The following GPC3 variants were observed in gnomAD, a reference collection of about 807,000 sequenced individuals.
The protein encoded by GPC3 is glypican 3, also known as glypican-3.
GPC3 carries 3 observed loss-of-function variants against 34.4 expected under a neutral mutation model. The observed-to-expected ratio is 0.09, with a 90% CI of 0.04 to 0.23. The LOEUF is 0.23. Among genes scored for constraint, GPC3 ranks in the 10% least tolerant of loss-of-function variants. The pLI is 1.00. For missense variants in GPC3, 351 were observed against 445.6 expected, an observed-to-expected ratio of 0.79 and a Z score of 1.91; for synonymous variants, 177 against 174.0, an observed-to-expected ratio of 1.02 and a Z score of -0.13.
chrX:133,722,465 C>T (rs752982101), intron 3 of GPC3, among the ~76,000 whole-genome samples: 5 of 111,988 alleles, frequency 4.5e-5, no homozygotes, highest in African/African-American at 1.6e-4. Flanking sequence ...TTCTCACTGT[C>T]ATTCAATTAT....
At chrX:133,860,707 G>A (rs1408663878) in intron 2 of GPC3, among the ~76,000 whole-genome samples, 1 of 111,846 alleles carries the variant, frequency 8.9e-6, no homozygotes, top group African/African-American at 3.3e-5. Context: ...CAGTAGATCT[G>A]TTGTTAATTA....
intron 7 of GPC3, among the ~76,000 whole-genome samples, chrX:133,565,413 TCTC>T (rs2069573710): frequency 8.9e-6 from 1 of 112,341 alleles, no homozygotes. Flanking sequence ...TGTCTTCCTT[TCTC>T]CTACAGAGCA....
At position 133,898,342 on chromosome X, in the gene GPC3, A is replaced by G. The variant is rs150691549; in HGVS notation, c.337+54708T>C. The stretch of plus-strand genomic sequence containing the variant: ...CAGAGTAAGTCATCTCTGAATAAGC[A>G]ATATTAGATCTTATCAACCCCAAAT... On this transcript the variant is annotated intron_variant, in intron 2 of 7. Coordinates refer to ENST00000370818, the MANE Select transcript of GPC3 (RefSeq NM_004484.4). 4.4e-3 allele frequency among the ~76,000 whole-genome samples: 498 copies of G among 111,957 alleles called. 1 individual carries two copies. The highest frequency in any genetic ancestry group is 0.015 in the African/African-American group (474 of 30,847).
intron 6 of GPC3, among the ~76,000 whole-genome samples, chrX:133,629,426 C>T (rs921437700): frequency 7.2e-5 from 8 of 110,985 alleles, no homozygotes; most frequent in African/African-American, 1.6e-4. Context: ...GACAAAGTCT[C>T]GCTTTGTTGC....
intron 7 of GPC3, among the ~76,000 whole-genome samples, chrX:133,540,906 C>G: frequency 1.0e-5 from 1 of 95,678 alleles, no homozygotes; most frequent in Non-Finnish European, 2.1e-5. Flanking sequence ...ACAGAATGGA[C>G]ATTGTTGTGG....
chrX:133,814,623 A>G (rs893613394), intron 2 of GPC3, among the ~76,000 whole-genome samples: 1 of 110,765 alleles, frequency 9.0e-6, no homozygotes, highest in Non-Finnish European at 1.9e-5. Flanking sequence ...GCTGGAGTGC[A>G]ATGGCGTGAT....
intron 3 of GPC3, among the ~76,000 whole-genome samples, chrX:133,745,176 T>C (rs1395111242): frequency 8.9e-6 from 1 of 112,206 alleles, no homozygotes; most frequent in East Asian, 2.8e-4. Flanking sequence ...AAAGGCATTG[T>C]TGGCTCCCTC....
intron 2 of GPC3, among the ~76,000 whole-genome samples, chrX:133,904,919 C>T (rs1014201784): frequency 2.7e-5 from 3 of 112,087 alleles, no homozygotes; most frequent in Non-Finnish European, 5.6e-5. Context: ...CATCTAAGTG[C>T]AAACGGCTTC....
At chrX:133,896,330 C>T (rs1409725924) in intron 2 of GPC3, among the ~76,000 whole-genome samples, 1 of 103,814 alleles carries the variant, frequency 9.6e-6, no homozygotes, top group African/African-American at 3.6e-5. Context: ...CATTGCACTC[C>T]AGCCTAGGCA....
At chrX:133,736,672 T>C (rs1795636659) in intron 3 of GPC3, among the ~76,000 whole-genome samples, 1 of 111,939 alleles carries the variant, frequency 8.9e-6, no homozygotes, top group South Asian at 3.7e-4. Flanking sequence ...AACAGACTAA[T>C]CTATAGAGAC....
chrX:133,681,492 C>CA (rs933857532), intron 5 of GPC3, among the ~76,000 whole-genome samples: 1 of 111,599 alleles, frequency 9.0e-6, no homozygotes, highest in African/African-American at 3.3e-5. Flanking sequence ...GAAGAAAGAG[C>CA]AAAAAAATAG....
At chrX:133,903,080 G>A (rs979889774) in intron 2 of GPC3, among the ~76,000 whole-genome samples, 6 of 108,827 alleles carry the variant, frequency 5.5e-5, no homozygotes, top group Admixed American at 9.8e-5. Context: ...GAACCTGGGA[G>A]ACAGAGATTG....
At chrX:133,939,272 A>G (rs2076334942) in intron 2 of GPC3, among the ~76,000 whole-genome samples, 1 of 112,463 alleles carries the variant, frequency 8.9e-6, no homozygotes, top group Admixed American at 9.4e-5. Flanking sequence ...GAGATGATTG[A>G]AAATACAATT....
At chrX:133,961,135 C>A (rs776773253) in intron 1 of GPC3, among the ~76,000 whole-genome samples, 1 of 111,371 alleles carries the variant, frequency 9.0e-6, no homozygotes, top group Non-Finnish European at 1.9e-5. Context: ...TGATTGCTGG[C>A]GAAAGAAATC....
chrX:133,775,227 T>C (rs899383049), intron 2 of GPC3, among the ~76,000 whole-genome samples: 1 of 102,207 alleles, frequency 9.8e-6, no homozygotes, highest in Non-Finnish European at 2.0e-5. Context: ...TGCCAGCGTG[T>C]TTTTTTTTTT....
intron 2 of GPC3, among the ~76,000 whole-genome samples, chrX:133,927,214 G>GT (rs928343062): frequency 3.0e-3 from 319 of 107,404 alleles, no homozygotes; most frequent in African/African-American, 9.3e-3. Context: ...TTATGCAGCT[G>GT]TTTTTTTTTT....
intron 6 of GPC3, among the ~76,000 whole-genome samples, chrX:133,599,068 C>A (rs2069952374): frequency 8.9e-6 from 1 of 111,820 alleles, no homozygotes. Context: ...TGTTCCTTTC[C>A]AAGAAAATGT....
intron 6 of GPC3, among the ~76,000 whole-genome samples, chrX:133,609,786 A>C (rs1456282205): frequency 8.9e-6 from 1 of 112,481 alleles, no homozygotes; most frequent in Non-Finnish European, 1.9e-5. Context: ...GGCCTAAACT[A>C]ACCTTCACAG....
At chrX:133,642,782 A>G (rs867278854) in intron 6 of GPC3, among the ~76,000 whole-genome samples, 1 of 99,234 alleles carries the variant, frequency 1.0e-5, no homozygotes, top group African/African-American at 4.7e-5. Flanking sequence ...CAAAAAAAAA[A>G]AAAAAAAAAA....
Sources: gnomAD v4.1 joint callset for allele counts (sites outside exome capture counted in the v4.1 genomes callset) on GRCh38, gnomAD v4.1.1 for gene constraint, MANE v1.5 for transcripts, NCBI Gene and HGNC (gene_info 2026-07-23, HGNC 2026-07-21) for gene names.